The following SNX7 variants were observed in gnomAD, a reference collection of about 807,000 sequenced individuals.
SNX7 encodes the protein sorting nexin-7.
Under a neutral mutation model 48.4 loss-of-function variants are expected in SNX7, and 35 were observed. The observed-to-expected ratio is 0.72, with a 90% CI of 0.55 to 0.96. SNX7 has a LOEUF of 0.96. Ranked by LOEUF, SNX7 falls within the 40% of genes least tolerant of loss-of-function variation. The pLI is 0.00. For synonymous variants in SNX7, 190 were observed against 190.2 expected (o/e 1.00, Z 0.01); for missense variants, 553 against 548.9 (o/e 1.01, Z -0.07).
At chr1:98,758,553 T>A (rs1654966843) in intron 8 of SNX7, among the ~76,000 whole-genome samples, 1 of 152,106 alleles carries the variant, frequency 6.6e-6, no homozygotes, top group Admixed American at 6.6e-5. Flanking sequence ...TCTTGGATTG[T>A]ACTTGGCTTT....
At chr1:98,739,032 G>A (rs1014588626) in intron 8 of SNX7, among the ~76,000 whole-genome samples, 2 of 151,742 alleles carry the variant, frequency 1.3e-5, no homozygotes, top group African/African-American at 2.4e-5. Flanking sequence ...AACCTTTTTC[G>A]TACCAGGGAC....
intron 6 of SNX7, among the ~76,000 whole-genome samples, 200 bp downstream of exon 6, chr1:98,699,105 T>C (rs1333430936): frequency 6.6e-6 from 1 of 152,188 alleles, no homozygotes; most frequent in Non-Finnish European, 1.5e-5. Context: ...GCAGGAATAC[T>C]CAATAGCAAC....
chr1:98,661,588 C>T, upstream of SNX7: 1 of 765,486 alleles, frequency 1.3e-6, no homozygotes, highest in Non-Finnish European at 1.7e-6. Context: ...AGCGCTGGTC[C>T]CGGCAGTTCC....
intron 8 of SNX7, among the ~76,000 whole-genome samples, chr1:98,757,118 G>A (rs908753137): frequency 6.6e-6 from 1 of 152,078 alleles, no homozygotes; most frequent in Non-Finnish European, 1.5e-5. Context: ...AACTTCATGA[G>A]GCCTCCCCAG....
At chr1:98,671,186 G>T (rs1184117631) in intron 1 of SNX7, among the ~76,000 whole-genome samples, 1 of 152,112 alleles carries the variant, frequency 6.6e-6, no homozygotes, top group African/African-American at 2.4e-5. Context: ...TTCCAAAGAA[G>T]ATATGAGACT....
intron 4 of SNX7, among the ~76,000 whole-genome samples, chr1:98,694,043 G>A (rs975945015): frequency 1.3e-5 from 2 of 152,104 alleles, no homozygotes; most frequent in Non-Finnish European, 2.9e-5. Context: ...TCCCTCCTAG[G>A]TTAAGTATGA....
chr1:98,678,979 C>T (rs1455834565), intron 1 of SNX7, among the ~76,000 whole-genome samples: 2 of 152,200 alleles, frequency 1.3e-5, no homozygotes, highest in Non-Finnish European at 2.9e-5. Flanking sequence ...TGGGCTGGCA[C>T]AGTGGCTCAC....
intron 7 of SNX7, among the ~76,000 whole-genome samples, chr1:98,711,420 A>G (rs1168121498): frequency 6.6e-6 from 1 of 151,970 alleles, no homozygotes; most frequent in African/African-American, 2.4e-5. Flanking sequence ...TTGATTTATT[A>G]CAGGCATACC....
rs376006567 is a variant in SNX7, at chr1:98,691,937, A to ACACACTCTCTCTCT, written c.639+239_639+240insACACTCTCTCTCTC. Among the ~76,000 whole-genome samples the ACACACTCTCTCTCT allele has an allele frequency of 2.4e-3, 314 of 131,144 alleles. 1 individual carries two copies. The highest frequency in any genetic ancestry group is 8.1e-3 in the Middle Eastern group (2 of 248). The allele number at this position is 131,144 out of a possible 152,430, so 86.0% of individuals were successfully genotyped here. ...TATACACACACACACACACACACAC[A>ACACACTCTCTCTCT]CTCTCTCTCTCTCTCTCTCTCTCTC... On this transcript the variant is annotated intron_variant, in intron 4 of 8. Coordinates refer to ENST00000306121, the MANE Select transcript of SNX7 (RefSeq NM_015976.5).
intron 4 of SNX7, among the ~76,000 whole-genome samples, chr1:98,694,145 C>A (rs866720929): frequency 2.6e-5 from 4 of 151,372 alleles, no homozygotes; most frequent in Non-Finnish European, 5.9e-5. Flanking sequence ...CCGAGGCGGG[C>A]GGATCACAAG....
At chr1:98,759,740 G>C (rs1039994179) in intron 8 of SNX7, among the ~76,000 whole-genome samples, 2 of 152,018 alleles carry the variant, frequency 1.3e-5, no homozygotes, top group African/African-American at 4.8e-5. Flanking sequence ...CTCCTCCTCA[G>C]CTCCAGCTGG....
chr1:98,662,662 A>C, intron 1 of SNX7: 1 of 1,288,194 alleles, frequency 7.8e-7, no homozygotes, highest in Non-Finnish European at 1.0e-6. Flanking sequence ...TAATTTCTTA[A>C]AGGGTTTTAG....
chr1:98,672,269 G>A (rs1649911972), intron 1 of SNX7, among the ~76,000 whole-genome samples: 1 of 151,896 alleles, frequency 6.6e-6, no homozygotes, highest in Non-Finnish European at 1.5e-5. Context: ...TTGGGATCAA[G>A]ACTGAAGCAG....
chr1:98,724,589 A>G (rs962375825), intron 7 of SNX7, among the ~76,000 whole-genome samples: 1 of 152,174 alleles, frequency 6.6e-6, no homozygotes, highest in African/African-American at 2.4e-5. Context: ...TTACTATTGT[A>G]TGTATAGAGA....
intron 2 of SNX7, 111 bp from the exon 3 acceptor site, chr1:98,690,964 T>C (rs1375498289): frequency 1.3e-5 from 7 of 539,560 alleles, no homozygotes; most frequent in African/African-American, 2.0e-5. Context: ...ATAATTAGGA[T>C]GTGTTAATTT....
chr1:98,698,907 T>G lies in SNX7; in HGVS notation c.1038+2T>G. On this transcript the variant is annotated splice_donor_variant, in intron 6 of 8. Transcript: ENST00000306121. LOFTEE classifies it high-confidence loss of function. ...GTGCTTTATAGTGAAATGTTAATGG[T>G]AAGAACACCTAATTCTAATTTTACC... 1 of 1,612,894 alleles carries G rather than the reference T, an allele frequency of 6.2e-7. No homozygotes were observed. The highest frequency in any genetic ancestry group is 8.5e-7 in the Non-Finnish European group (1 of 1,179,040).
chr1:98,662,115 G>A, intron 1 of SNX7: 1 of 422,986 alleles, frequency 2.4e-6, no homozygotes, highest in Non-Finnish European at 4.0e-6. Flanking sequence ...GCCTCAAACC[G>A]CAGCCGCTCC....
At chr1:98,697,701 G>A (rs1227567465) in intron 5 of SNX7, among the ~76,000 whole-genome samples, 1 of 152,106 alleles carries the variant, frequency 6.6e-6, no homozygotes, top group Non-Finnish European at 1.5e-5. Context: ...CCTGTTTTAA[G>A]GAGTATGTGG....
At chr1:98,751,903 T>G (rs1654605781) in intron 8 of SNX7, among the ~76,000 whole-genome samples, 1 of 152,132 alleles carries the variant, frequency 6.6e-6, no homozygotes, top group Non-Finnish European at 1.5e-5. Context: ...CATGATAGTA[T>G]GAGAATCCAA....
Sources: allele counts gnomAD v4.1 joint callset (sites outside exome capture counted in the v4.1 genomes callset), GRCh38; gene constraint gnomAD v4.1.1; transcripts MANE v1.5; gene names NCBI Gene and HGNC (gene_info 2026-07-23, HGNC 2026-07-21).